Variants in PCDHGA2 observed in about 807,000 individuals in gnomAD.
PCDHGA2 encodes protocadherin gamma subfamily A, 2, also known as protocadherin gamma-A2.
A neutral mutation model predicts 59.2 loss-of-function variants in PCDHGA2; 40 were observed. The observed-to-expected ratio is 0.68, with a 90% CI of 0.52 to 0.88. The LOEUF (loss-of-function observed/expected upper bound fraction) is 0.88, where lower values mean the gene tolerates loss of function less well. Ranked by LOEUF, PCDHGA2 falls within the 40% of genes least tolerant of loss-of-function variation. The pLI is 0.00. For synonymous variants in PCDHGA2, 560 were observed against 526.0 expected, an observed-to-expected ratio of 1.06 and a Z score of -0.89; for missense variants, 1,226 against 1,204.0, an observed-to-expected ratio of 1.02 and a Z score of -0.27.
At chr5:141,361,727 C>G in intron 1 of PCDHGA2, 13 of 1,613,274 alleles carry the variant, frequency 8.1e-6, no homozygotes, top group Non-Finnish European at 1.1e-5. Flanking sequence ...TTCGAGCTCA[C>G]ACTGCAGGCC....
In PCDHGA2 at chr5:141,403,638, A is replaced by G. The variant is rs373036061; in HGVS notation, c.2424+62243A>G. On this transcript the variant is annotated intron_variant, in intron 1 of 3. Coordinates refer to ENST00000394576, the MANE Select transcript of PCDHGA2 (RefSeq NM_018915.4). ...CGTCGCTCCAGCACAGTGCGCATCCATGTGACAGTGTTGGATACAAATGAT... is the reference window on the plus strand; with the variant it reads ...CGTCGCTCCAGCACAGTGCGCATCCGTGTGACAGTGTTGGATACAAATGAT... The G allele has an allele frequency of 1.5e-5, 25 of 1,613,906 alleles. No individual in the cohort carries two copies. The East Asian group carries it at 4.5e-4, about 29-fold the overall frequency.
intron 2 of PCDHGA2, among the ~76,000 whole-genome samples, chr5:141,504,443 A>C (rs1043353401): frequency 2.0e-5 from 3 of 152,070 alleles, no homozygotes; most frequent in African/African-American, 4.8e-5. Context: ...CAGTGTGACT[A>C]GTGCCATGTG....
rs867810670 is a variant in PCDHGA2 at position 141,385,551 on chromosome 5, T to C, written c.2424+44156T>C. 11 of 1,313,528 alleles carry C rather than the reference T, an allele frequency of 8.4e-6. No individual in the cohort carries two copies. The African/African-American group carries it at 9.1e-5, about 11-fold the overall frequency. 81.4% of individuals were successfully genotyped at this position (1,313,528 alleles called of 1,614,324 possible). ...GATTATGAATATGTGGACTATCACA[T>C]TTTATAATTTCCACCTACTTTCCAA... On this transcript the variant is annotated intron_variant, in intron 1 of 3. Transcript: ENST00000394576.
chr5:141,418,313 A>G (rs750036471), intron 1 of PCDHGA2: 2 of 1,614,038 alleles, frequency 1.2e-6, no homozygotes, highest in Middle Eastern at 1.6e-4. Context: ...GGGGATGGGA[A>G]CAATTCTTGA....
intron 1 of PCDHGA2, chr5:141,417,649 C>G (rs1294192479): frequency 1.2e-6 from 1 of 826,168 alleles, no homozygotes; most frequent in East Asian, 2.8e-5. Flanking sequence ...CCCTCAGCCT[C>G]TAGCCTGGGA....
intron 1 of PCDHGA2, among the ~76,000 whole-genome samples, chr5:141,449,042 A>G (rs1211970675): frequency 6.6e-6 from 1 of 152,186 alleles, no homozygotes; most frequent in Non-Finnish European, 1.5e-5. Context: ...ATTATTAACC[A>G]GTCTCATAAA....
At chr5:141,420,029 G>T (rs1382842280) in intron 1 of PCDHGA2, 2 of 1,614,082 alleles carry the variant, frequency 1.2e-6, no homozygotes, top group Non-Finnish European at 1.7e-6. Flanking sequence ...CCCTACTGCA[G>T]GAGACTGCTT....
chr5:141,405,394 CTT>C lies in PCDHGA2; in HGVS notation c.2424+64001_2424+64002del, dbSNP rs1561700295. 3.8e-6 allele frequency: 6 copies of C among 1,593,014 alleles called. No individual in the cohort carries two copies. In the Admixed American group the frequency reaches 7.1e-5, roughly 19 times the overall value. On this transcript the variant is annotated intron_variant, in intron 1 of 3. Transcript: ENST00000394576. ...TGGTTCCGGTGAGTTCATTTTTTTT[CTT>C]TCTTTCTTTTCTTTTTTTGTTTTTT...
chr5:141,417,023 T>C (rs2096074487), intron 1 of PCDHGA2: 1 of 139,106 alleles, frequency 7.2e-6, no homozygotes, highest in South Asian at 2.3e-4. Flanking sequence ...TTTTGAAAAA[T>C]ACAGGTTTTT....
Position 141,493,701 on chromosome 5 carries a change from C to G in PCDHGA2, c.2425-1106C>G, listed in dbSNP as rs2099749680. 6.6e-6 allele frequency among the ~76,000 whole-genome samples: 1 copy of G among 152,172 alleles called. No homozygotes were observed. Among genetic ancestry groups the G allele is most frequent in the Admixed American group, 6.5e-5 (1 of 15,286 alleles). On this transcript the variant is annotated intron_variant, in intron 1 of 3. Coordinates refer to ENST00000394576, the MANE Select transcript of PCDHGA2 (RefSeq NM_018915.4). This position sits in a 1 kb window ranked among gnomAD's most constrained non-coding sequence, Gnocchi z 4.3. Reference sequence around the variant, plus strand: ...ATGGTGCTGGTGACTCCCGATACACCTGGAATGCTAGGTTTCTGGGTTCTG... The same window carrying G: ...ATGGTGCTGGTGACTCCCGATACACGTGGAATGCTAGGTTTCTGGGTTCTG...
chr5:141,362,642 T>A, intron 1 of PCDHGA2: 1 of 1,462,416 alleles, frequency 6.8e-7, no homozygotes, highest in African/African-American at 1.4e-5. Context: ...TTTCTTTGTC[T>A]GTGAGTTAGA....
At chr5:141,438,957 CACCCTGCCA>C (rs1022731551) in intron 1 of PCDHGA2, among the ~76,000 whole-genome samples, 2 of 152,144 alleles carry the variant, frequency 1.3e-5, no homozygotes, top group East Asian at 3.9e-4. Flanking sequence ...TGAGCCACCG[CACCCTGCCA>C]ACTGTCTGAC....
chr5:141,362,412 A>G (rs369877843), intron 1 of PCDHGA2: 98 of 1,613,916 alleles, frequency 6.1e-5, no homozygotes, highest in Non-Finnish European at 8.1e-5. Context: ...TTGCCTCACA[A>G]TCAGCCAAGA....
chr5:141,405,527 C>T (rs1055420196), intron 1 of PCDHGA2: 7 of 670,510 alleles, frequency 1.0e-5, no homozygotes, highest in Non-Finnish European at 1.8e-5. Flanking sequence ...TCAAGCGATT[C>T]TCCTGCCTCA....
Position 141,486,390 on chromosome 5 carries a change from C to T in PCDHGA2, c.2425-8417C>T. 6.2e-7 allele frequency: 1 copy of T among 1,614,138 alleles called. No homozygotes were observed. The highest frequency in any genetic ancestry group is 1.1e-5 in the South Asian group (1 of 91,084). On this transcript the variant is annotated intron_variant, in intron 1 of 3. Coordinates refer to ENST00000394576, the MANE Select transcript of PCDHGA2 (RefSeq NM_018915.4). This position sits in a 1 kb window ranked among gnomAD's most constrained non-coding sequence, Gnocchi z 5.0. ...AAGTCTGCCTTCAGGAACCAGTTCTCCCTGGTGACTGCTGGACCCTTGGAT... is the reference window on the plus strand; with the variant it reads ...AAGTCTGCCTTCAGGAACCAGTTCTTCCTGGTGACTGCTGGACCCTTGGAT...
At chr5:141,373,460 C>G (rs919686552) in intron 1 of PCDHGA2, among the ~76,000 whole-genome samples, 2 of 152,198 alleles carry the variant, frequency 1.3e-5, no homozygotes, top group African/African-American at 4.8e-5. Flanking sequence ...GAGGTAGCAG[C>G]TGCAATGAGC....
At chr5:141,401,033 C>T (rs1437899833) in intron 1 of PCDHGA2, among the ~76,000 whole-genome samples, 1 of 152,016 alleles carries the variant, frequency 6.6e-6, no homozygotes, top group Non-Finnish European at 1.5e-5. Context: ...TTTGAATCTC[C>T]TAAAATTTTA....
intron 1 of PCDHGA2, chr5:141,392,786 T>C: frequency 5.2e-6 from 8 of 1,550,412 alleles, no homozygotes; most frequent in Non-Finnish European, 7.0e-6. Flanking sequence ...CAGTGAAGAT[T>C]CTGAGAGGAT....
intron 1 of PCDHGA2, among the ~76,000 whole-genome samples, chr5:141,473,661 G>T (rs935648567): frequency 2.6e-5 from 4 of 152,172 alleles, no homozygotes; most frequent in Non-Finnish European, 4.4e-5. Context: ...TTGTGTGAAG[G>T]CCCTGAGACA....
Sources: gnomAD v4.1 joint callset for allele counts (sites outside exome capture counted in the v4.1 genomes callset) on GRCh38, gnomAD v4.1.1 for gene constraint, Gnocchi (gnomAD v3.1) non-coding constraint, MANE v1.5 for transcripts, NCBI Gene and HGNC (gene_info 2026-07-23, HGNC 2026-07-21) for gene names.